The following PDLIM5 variants were observed in gnomAD, a reference collection of about 807,000 sequenced individuals.
PDLIM5 encodes the protein PDZ and LIM domain 5.
Under a neutral mutation model 64.2 loss-of-function variants are expected in PDLIM5, and 34 were observed. The ratio of observed to expected loss-of-function variants is 0.53; its 90% CI spans 0.40 to 0.71. The LOEUF (loss-of-function observed/expected upper bound fraction) is 0.71. Ranked by LOEUF, PDLIM5 falls within the 30% of genes least tolerant of loss-of-function variation. PDLIM5 has a pLI of 0.00. For missense variants in PDLIM5, 683 were observed against 733.6 expected (o/e 0.93, Z 0.80); for synonymous variants, 253 against 269.1 (o/e 0.94, Z 0.59).
chr4:94,502,046 T>C (rs1272310467), intron 2 of PDLIM5, among the ~76,000 whole-genome samples: 1 of 152,210 alleles, frequency 6.6e-6, no homozygotes, highest in Non-Finnish European at 1.5e-5. Flanking sequence ...TCCTTCTTTT[T>C]CTTCATTTCT....
At chr4:94,466,156 C>G (rs1724346840) in intron 2 of PDLIM5, among the ~76,000 whole-genome samples, 1 of 151,986 alleles carries the variant, frequency 6.6e-6, no homozygotes, top group Non-Finnish European at 1.5e-5. Flanking sequence ...TCTGTAGAAA[C>G]AGGGTCTCAT....
Position 94,657,529 on chromosome 4 carries a change from G to GA in PDLIM5, c.1569dup (p.Pro524ThrfsTer4). 4 of 1,611,070 alleles carry GA rather than the reference G, an allele frequency of 2.5e-6. No individual in the cohort carries two copies. Among genetic ancestry groups the GA allele is most frequent in the Non-Finnish European group, 3.4e-6 (4 of 1,177,436 alleles). Reference sequence around the variant, plus strand: ...CAATGTTTTTCACTTGGAGGATGGTGAACCCTACTGTGAGACTGGTAAGAT... The same window carrying GA: ...CAATGTTTTTCACTTGGAGGATGGTGAAACCCTACTGTGAGACTGGTAAGAT... On this transcript the variant is annotated frameshift_variant, in exon 11 of 13. Coordinates refer to ENST00000317968, the MANE Select transcript of PDLIM5 (RefSeq NM_006457.5). LOFTEE classifies it high-confidence loss of function.
chr4:94,629,245 A>G (rs1011580829), intron 8 of PDLIM5, among the ~76,000 whole-genome samples: 6 of 152,066 alleles, frequency 3.9e-5, no homozygotes, highest in African/African-American at 1.2e-4. Context: ...GCTACCTGGG[A>G]GGCTGAGGCA....
chr4:94,539,251 T>C (rs1731569838), intron 3 of PDLIM5, among the ~76,000 whole-genome samples: 1 of 152,208 alleles, frequency 6.6e-6, no homozygotes, highest in African/African-American at 2.4e-5. Context: ...TATATGTGTC[T>C]ATGTATAATA....
intron 3 of PDLIM5, among the ~76,000 whole-genome samples, chr4:94,539,249 T>C (rs1163438074): frequency 1.3e-5 from 2 of 152,166 alleles, no homozygotes; most frequent in African/African-American, 4.8e-5. Flanking sequence ...CTTATATGTG[T>C]CTATGTATAA....
At chr4:94,514,010 A>G (rs973774548) in intron 2 of PDLIM5, among the ~76,000 whole-genome samples, 5 of 152,082 alleles carry the variant, frequency 3.3e-5, no homozygotes, top group African/African-American at 1.2e-4. Context: ...TCTTGTTGAT[A>G]TGATGTATCA....
At chr4:94,644,586 T>C (rs1741257658) in intron 9 of PDLIM5, among the ~76,000 whole-genome samples, 1 of 151,300 alleles carries the variant, frequency 6.6e-6, no homozygotes, top group Non-Finnish European at 1.5e-5. Flanking sequence ...AGTGCAGTGG[T>C]GCGATCTCGG....
intron 12 of PDLIM5, 73 bp from the exon 13 acceptor site, chr4:94,663,902 CCTT>C: frequency 2.0e-6 from 3 of 1,467,968 alleles, no homozygotes; most frequent in Non-Finnish European, 1.8e-6. Flanking sequence ...ATCACTCTCT[CCTT>C]CTCCAGCATA....
At chr4:94,586,848 A>T (rs1470503096) in intron 7 of PDLIM5, 11 of 771,534 alleles carry the variant, frequency 1.4e-5, no homozygotes, top group Non-Finnish European at 2.2e-5. Flanking sequence ...AATTTTTGCC[A>T]CTTAATAAAA....
chr4:94,608,201 T>G, intron 7 of PDLIM5: 1 of 1,501,050 alleles, frequency 6.7e-7, no homozygotes, highest in East Asian at 2.5e-5. Context: ...TTCTTGGTGT[T>G]TCTAAATTTC....
Position 94,640,394 on chromosome 4 carries a change from G to A in PDLIM5, c.1227G>A (p.Glu409=), listed in dbSNP as rs866533087. 17 of 1,612,268 alleles carry A rather than the reference G, an allele frequency of 1.1e-5. No homozygotes were observed. The highest frequency in any genetic ancestry group is 3.3e-4 in the Middle Eastern group (2 of 6,078). ...SDQDTLVQRA[E]HIPAGKRTPM... ...AGGACACTTTAGTGCAAAGAGCTGA[G>A]CACATTCCAGCAGGGAAACGAACTC... The change falls in exon 9 of 13, where the codon GAG becomes GAA. Residue 409 remains glutamate (E), a synonymous_variant. Transcript: ENST00000317968.
chr4:94,575,461 T>C (rs1676218964), intron 4 of PDLIM5, among the ~76,000 whole-genome samples, 155 bp from the exon 5 acceptor site: 1 of 152,232 alleles, frequency 6.6e-6, no homozygotes, highest in Non-Finnish European at 1.5e-5. Context: ...CGTTATGCTT[T>C]ATCAGCCCAT....
chr4:94,522,159 C>T (rs1325267422), intron 2 of PDLIM5, among the ~76,000 whole-genome samples: 1 of 152,138 alleles, frequency 6.6e-6, no homozygotes, highest in African/African-American at 2.4e-5. Flanking sequence ...AATAATAATA[C>T]AGTAATAGCT....
chr4:94,587,400 G>T, intron 7 of PDLIM5: 1 of 1,078,892 alleles, frequency 9.3e-7, no homozygotes, highest in Non-Finnish European at 1.1e-6. Context: ...AGTTGAATTT[G>T]GTTAGTTGGT....
chr4:94,560,013 G>A (rs576569922), intron 3 of PDLIM5, among the ~76,000 whole-genome samples: 2 of 152,280 alleles, frequency 1.3e-5, no homozygotes, highest in East Asian at 3.9e-4. Flanking sequence ...GCCCGTGACT[G>A]TTTCTTATCT....
At chr4:94,484,000 C>T (rs549909815) in intron 2 of PDLIM5, among the ~76,000 whole-genome samples, 1 of 152,180 alleles carries the variant, frequency 6.6e-6, no homozygotes, top group Non-Finnish European at 1.5e-5. Flanking sequence ...ATCAGTTACT[C>T]CAAGAGAGAC....
intron 3 of PDLIM5, among the ~76,000 whole-genome samples, chr4:94,527,078 A>G (rs1730440719): frequency 1.7e-5 from 1 of 60,010 alleles, no homozygotes; most frequent in Non-Finnish European, 3.3e-5. Context: ...TTTTTTTGAG[A>G]CAGAGTCTCA....
chr4:94,489,839 C>T (rs1449243652), intron 2 of PDLIM5, among the ~76,000 whole-genome samples: 2 of 152,162 alleles, frequency 1.3e-5, no homozygotes, highest in East Asian at 1.9e-4. Context: ...GTAATCTTTC[C>T]AGCACTTTTG....
At chr4:94,557,910 C>T (rs1318756704) in intron 3 of PDLIM5, among the ~76,000 whole-genome samples, 1 of 152,192 alleles carries the variant, frequency 6.6e-6, no homozygotes, top group African/African-American at 2.4e-5. Flanking sequence ...CTTTCTCCTG[C>T]CTGATTGCCC....
Sources: gnomAD v4.1 joint callset for allele counts (sites outside exome capture counted in the v4.1 genomes callset) on GRCh38, gnomAD v4.1.1 for gene constraint, MANE v1.5 for transcripts, NCBI Gene and HGNC (gene_info 2026-07-23, HGNC 2026-07-21) for gene names.